Variants in SQOR observed in about 807,000 individuals in gnomAD.
The protein encoded by SQOR is sulfide:quinone oxidoreductase, mitochondrial.
In SQOR, 39 loss-of-function variants were observed where a neutral mutation model predicts 48.6. The ratio of observed to expected loss-of-function variants is 0.80; its 90% CI spans 0.62 to 1.05. The LOEUF (loss-of-function observed/expected upper bound fraction) is 1.05. Ranked by LOEUF, SQOR falls within the 50% of genes least tolerant of loss-of-function variation. SQOR has a pLI of 0.00. For synonymous variants in SQOR, 220 were observed against 206.2 expected, an observed-to-expected ratio of 1.07 and a Z score of -0.57; for missense variants, 561 against 559.9, an observed-to-expected ratio of 1.00 and a Z score of -0.02.
intron 6 of SQOR, among the ~76,000 whole-genome samples, chr15:45,678,523 T>C (rs1282421387): frequency 6.6e-6 from 1 of 152,172 alleles, no homozygotes; most frequent in Non-Finnish European, 1.5e-5. Context: ...CCCTTCCAGC[T>C]GGCTCTTGTG....
intron 7 of SQOR, among the ~76,000 whole-genome samples, chr15:45,686,311 C>T (rs991068182): frequency 6.6e-6 from 1 of 152,090 alleles, no homozygotes; most frequent in African/African-American, 2.4e-5. Context: ...GCCACCACGC[C>T]TGGCTAATTT....
chr15:45,683,034 A>G (rs948616216), intron 7 of SQOR, among the ~76,000 whole-genome samples: 4 of 151,926 alleles, frequency 2.6e-5, no homozygotes, highest in African/African-American at 9.7e-5. Context: ...CTCAAAAAAA[A>G]AAAAAAAAGG....
In SQOR at chr15:45,644,837, AG is replaced by A. The variant is rs549051548; in HGVS notation, c.-18+9733del. Among the ~76,000 whole-genome samples the A allele has an allele frequency of 2.8e-3, 428 of 152,320 alleles. 1 individual carries two copies. The highest frequency in any genetic ancestry group is 0.024 in the Middle Eastern group (7 of 294). On this transcript the variant is annotated intron_variant, in intron 1 of 9. Coordinates refer to ENST00000260324, the MANE Select transcript of SQOR (RefSeq NM_021199.4). ...TGCCTGGCCCTGGAATAATAAGGGCAGGGGAAAATTGCCTCTTGCAGGGTTA... is the reference window on the plus strand; with the variant it reads ...TGCCTGGCCCTGGAATAATAAGGGCAGGGAAAATTGCCTCTTGCAGGGTTA...
intron 1 of SQOR, among the ~76,000 whole-genome samples, chr15:45,641,063 C>G (rs746366090): frequency 3.3e-5 from 5 of 152,110 alleles, no homozygotes; most frequent in Non-Finnish European, 5.9e-5. Context: ...ATAATTCAGT[C>G]AAAACTCTTA....
At chr15:45,687,214 C>A (rs908220818) in intron 7 of SQOR, among the ~76,000 whole-genome samples, 2 of 152,090 alleles carry the variant, frequency 1.3e-5, no homozygotes, top group African/African-American at 4.8e-5. Flanking sequence ...GCAACCTCCG[C>A]GATTCTCCTG....
At chr15:45,650,232 T>A (rs56395216) in intron 1 of SQOR, among the ~76,000 whole-genome samples, 13,791 of 152,238 alleles carry the variant, frequency 0.091, 757 homozygotes, top group Middle Eastern at 0.23. Context: ...CTCCACTTCC[T>A]GGGCTGAAAC....
At position 45,673,711 on chromosome 15, in the gene SQOR, C is replaced by A. The variant is rs765751532; in HGVS notation, c.564C>A (p.Gly188=). Residue 188 remains glycine (G), a synonymous_variant, in exon 5 of 10, where the codon GGC becomes GGA. Coordinates refer to ENST00000260324, the MANE Select transcript of SQOR (RefSeq NM_021199.4). ...TWKALQDFKE[G]NAIFTFPNTP... ...AAGCTCTGCAGGACTTCAAAGAGGG[C>A]AATGCCATCTTCACCTTCCCAAATA... 1 of 1,614,048 alleles carries A rather than the reference C, an allele frequency of 6.2e-7. No homozygotes were observed. The highest frequency in any genetic ancestry group is 8.5e-7 in the Non-Finnish European group (1 of 1,180,032).
chr15:45,661,290 T>TAAAAAAAAAAAAAAAAA (rs34286267), intron 2 of SQOR, among the ~76,000 whole-genome samples: 4 of 67,520 alleles, frequency 5.9e-5, no homozygotes, highest in Non-Finnish European at 1.1e-4. Flanking sequence ...GACTCTGTCT[T>TAAAAAAAAAAAAAAAAA]AAAAAAAAAA....
chr15:45,685,963 A>AC (rs72459342), intron 7 of SQOR, among the ~76,000 whole-genome samples: 13 of 50,764 alleles, frequency 2.6e-4, no homozygotes, highest in Admixed American at 5.6e-4. Context: ...TTCAACCCCC[A>AC]CCCCCCCACC....
In SQOR at chr15:45,691,044, C is replaced by G. The variant is rs1890316005; in HGVS notation, c.*14C>G. On this transcript the variant is annotated 3_prime_UTR_variant, in exon 10 of 10. Transcript: ENST00000260324. Reference sequence around the variant, plus strand: ...GGTATGAGTTAAGGATGGCTCAGCACTTGCTCATCTTGGATGGCTTCTGGG... The same window carrying G: ...GGTATGAGTTAAGGATGGCTCAGCAGTTGCTCATCTTGGATGGCTTCTGGG... 1 of 1,613,142 alleles carries G rather than the reference C, an allele frequency of 6.2e-7. No individual in the cohort carries two copies. The highest frequency in any genetic ancestry group is 1.1e-5 in the South Asian group (1 of 91,074).
chr15:45,689,711 C>A (rs773828354), intron 9 of SQOR, among the ~76,000 whole-genome samples: 7 of 152,164 alleles, frequency 4.6e-5, no homozygotes, highest in Non-Finnish European at 8.8e-5. Context: ...TGAGCCACCG[C>A]TCCTGGCCCC....
rs1180304232 is a variant in SQOR, at chr15:45,691,121, T to C, written c.*91T>C. 3.5e-6 allele frequency: 4 copies of C among 1,158,544 alleles called. No homozygotes were observed. The African/African-American group carries it at 4.5e-5, about 13-fold the overall frequency. 71.8% of individuals were successfully genotyped at this position (1,158,544 alleles called of 1,614,324 possible). On this transcript the variant is annotated 3_prime_UTR_variant, in exon 10 of 10. Transcript: ENST00000260324. ...AGAGCAGCACGAAGGACTTGGAACCTATCCTTGTAAAGAGTTCCTTGATGG... is the reference window on the plus strand; with the variant it reads ...AGAGCAGCACGAAGGACTTGGAACCCATCCTTGTAAAGAGTTCCTTGATGG...
intron 1 of SQOR, among the ~76,000 whole-genome samples, chr15:45,658,521 C>T (rs572748112): frequency 4.6e-5 from 7 of 152,308 alleles, no homozygotes; most frequent in African/African-American, 1.7e-4. Flanking sequence ...CCACAGAAAG[C>T]ACTGGGGAGT....
intron 1 of SQOR, among the ~76,000 whole-genome samples, chr15:45,646,518 A>G (rs766546771): frequency 1.3e-5 from 2 of 152,218 alleles, no homozygotes; most frequent in Non-Finnish European, 2.9e-5. Flanking sequence ...CTCTATGCAC[A>G]TGGGAGGATG....
At chr15:45,655,388 C>T (rs1391808218) in intron 1 of SQOR, among the ~76,000 whole-genome samples, 1 of 152,154 alleles carries the variant, frequency 6.6e-6, no homozygotes, top group African/African-American at 2.4e-5. Context: ...ATTCTGTGGA[C>T]ATTTAGAAAG....
At chr15:45,678,925 GA>G (rs1380778336) in intron 6 of SQOR, among the ~76,000 whole-genome samples, 1 of 152,164 alleles carries the variant, frequency 6.6e-6, no homozygotes, top group Non-Finnish European at 1.5e-5. Context: ...GCCCATTTGA[GA>G]GAGTCCGTTT....
chr15:45,649,606 A>G (rs1889423715), intron 1 of SQOR, among the ~76,000 whole-genome samples: 1 of 151,918 alleles, frequency 6.6e-6, no homozygotes, highest in African/African-American at 2.4e-5. Context: ...CAGCCTCCTG[A>G]GTAGCTGGGA....
chr15:45,652,362 T>A (rs1290238080), intron 1 of SQOR, among the ~76,000 whole-genome samples: 1 of 151,850 alleles, frequency 6.6e-6, no homozygotes, highest in African/African-American at 2.4e-5. Flanking sequence ...TGAGACAGAG[T>A]CCCACTCTGT....
chr15:45,664,979 T>C (rs945508694), intron 3 of SQOR, among the ~76,000 whole-genome samples: 2 of 152,268 alleles, frequency 1.3e-5, no homozygotes, highest in Non-Finnish European at 1.5e-5. Flanking sequence ...CTCTCTTACC[T>C]TGCCAGTCTC....
Sources: allele counts gnomAD v4.1 joint callset (sites outside exome capture counted in the v4.1 genomes callset), GRCh38; gene constraint gnomAD v4.1.1; transcripts MANE v1.5; gene names NCBI Gene and HGNC (gene_info 2026-07-23, HGNC 2026-07-21).